The following TMEM38A variants were observed in gnomAD, a reference collection of about 807,000 sequenced individuals.
TMEM38A encodes trimeric intracellular cation channel type A.
A neutral mutation model predicts 28.6 loss-of-function variants in TMEM38A; 17 were observed. The ratio of observed to expected loss-of-function variants is 0.60; its 90% CI spans 0.41 to 0.89. The LOEUF (loss-of-function observed/expected upper bound fraction) is 0.89, where lower values mean the gene tolerates loss of function less well. Ranked by LOEUF, TMEM38A falls within the 40% of genes least tolerant of loss-of-function variation. The probability of loss-of-function intolerance (pLI) is 0.00; values close to 1 mark genes in which losing one functional copy is unlikely to be tolerated. For synonymous variants in TMEM38A, 169 were observed against 166.1 expected (o/e 1.02, Z -0.14); for missense variants, 328 against 393.1 (o/e 0.83, Z 1.40).
chr19:16,680,231 G>T, intron 2 of TMEM38A, 91 bp downstream of exon 2: 2 of 1,537,116 alleles, frequency 1.3e-6, no homozygotes, highest in South Asian at 1.2e-5. Context: ...GAATTAGAAT[G>T]CACCAGCAAC....
chr19:16,671,201 C>CTTT (rs34550977), intron 1 of TMEM38A, among the ~76,000 whole-genome samples: 35 of 84,846 alleles, frequency 4.1e-4, no homozygotes, highest in African/African-American at 7.9e-4. Flanking sequence ...AGGACCTGGG[C>CTTT]TTTTTTTTTT....
Position 16,687,573 on chromosome 19 carries a change from G to A in TMEM38A, c.673-571G>A, listed in dbSNP as rs1410204696. On this transcript the variant is annotated intron_variant, in intron 5 of 5. Transcript: ENST00000187762. ...TTCTTACAGTTCTGGAGGCTGGGAA[G>A]TCCAAGATCAGGGTACTAGCCTGGT... Among the ~76,000 whole-genome samples, 4 of 152,170 alleles carry A rather than the reference G, an allele frequency of 2.6e-5. No homozygotes were observed. In the East Asian group the frequency reaches 7.7e-4, roughly 29 times the overall value.
chr19:16,665,442 A>G (rs2122574596), intron 1 of TMEM38A, among the ~76,000 whole-genome samples: 1 of 152,020 alleles, frequency 6.6e-6, no homozygotes, highest in South Asian at 2.1e-4. Context: ...GTGAGCCATG[A>G]TCGTGCCACT....
At chr19:16,676,102 T>A (rs956434110) in intron 1 of TMEM38A, among the ~76,000 whole-genome samples, 2 of 149,664 alleles carry the variant, frequency 1.3e-5, no homozygotes, top group African/African-American at 5.1e-5. Flanking sequence ...GGCTCACACC[T>A]GTAATCCCAG....
intron 1 of TMEM38A, among the ~76,000 whole-genome samples, chr19:16,667,406 A>G (rs141179934): frequency 6.9e-4 from 105 of 152,312 alleles, no homozygotes; most frequent in African/African-American, 2.5e-3. Flanking sequence ...CCATGTGAGG[A>G]AAGAGAAGGA....
chr19:16,687,567 T>G (rs1397630758), intron 5 of TMEM38A, among the ~76,000 whole-genome samples: 1 of 152,112 alleles, frequency 6.6e-6, no homozygotes, highest in Non-Finnish European at 1.5e-5. Context: ...TTCTGGAGGC[T>G]GGGAAGTCCA....
chr19:16,662,012 T>TG (rs2086684187), intron 1 of TMEM38A, among the ~76,000 whole-genome samples: 1 of 152,076 alleles, frequency 6.6e-6, no homozygotes, highest in Non-Finnish European at 1.5e-5. Context: ...GACTCCACGC[T>TG]GGGGAGGTCA....
At chr19:16,682,558 G>T in intron 4 of TMEM38A, 50 bp downstream of exon 4, 1 of 1,540,486 alleles carries the variant, frequency 6.5e-7, no homozygotes, top group Non-Finnish European at 9.0e-7. Context: ...ATGTCCGGGT[G>T]CCTGACCCTG....
At chr19:16,682,939 A>G (rs767536021) in intron 4 of TMEM38A, among the ~76,000 whole-genome samples, 3 of 152,120 alleles carry the variant, frequency 2.0e-5, no homozygotes, top group South Asian at 2.1e-4. Context: ...CCAAGACCCA[A>G]TGCAGGATCC....
At chr19:16,668,190 C>G (rs1289621497) in intron 1 of TMEM38A, among the ~76,000 whole-genome samples, 9 of 151,730 alleles carry the variant, frequency 5.9e-5, no homozygotes, top group Middle Eastern at 3.2e-3. Context: ...ACCTGGGCAA[C>G]AGAGCAAGAC....
chr19:16,683,189 G>A (rs2086788607), intron 4 of TMEM38A, among the ~76,000 whole-genome samples: 1 of 151,962 alleles, frequency 6.6e-6, no homozygotes, highest in South Asian at 2.1e-4. Context: ...GGTCAGGCTG[G>A]TCTGGAACTC....
At chr19:16,668,694 C>T (rs1239346408) in intron 1 of TMEM38A, among the ~76,000 whole-genome samples, 2 of 151,862 alleles carry the variant, frequency 1.3e-5, no homozygotes, top group African/African-American at 4.8e-5. Context: ...CCAGAATGTC[C>T]TTTAGTTGGA....
At chr19:16,673,581 A>C (rs996336668) in intron 1 of TMEM38A, among the ~76,000 whole-genome samples, 2 of 152,180 alleles carry the variant, frequency 1.3e-5, no homozygotes, top group Admixed American at 6.6e-5. Context: ...GCACAGCTTC[A>C]TATTTCCCTG....
chr19:16,666,868 G>T (rs988484527), intron 1 of TMEM38A, among the ~76,000 whole-genome samples: 2 of 151,124 alleles, frequency 1.3e-5, no homozygotes, highest in African/African-American at 2.4e-5. Context: ...AAGGAGAATC[G>T]CTTGAAACCA....
At chr19:16,681,718 C>T (rs77215235) in intron 3 of TMEM38A, among the ~76,000 whole-genome samples, 1 of 152,122 alleles carries the variant, frequency 6.6e-6, no homozygotes, top group Non-Finnish European at 1.5e-5. Flanking sequence ...CCTCGACTCA[C>T]TAAATACCAG....
rs201283889 is a variant in TMEM38A, at chr19:16,661,281, T to C, written c.64T>C (p.Phe22Leu). Residue 22 changes from phenylalanine to leucine, a missense_variant, in exon 1 of 6, where the codon TTC becomes CTC. Phe to Leu is a conservative substitution (Grantham distance 22). Coordinates refer to ENST00000187762, the MANE Select transcript of TMEM38A (RefSeq NM_024074.4). The surrounding 1 kb of genome is among the most constrained non-coding windows in gnomAD (Gnocchi z 6.5). Reference protein sequence around the residue: ...LALSFSRVPLFPVFDLSYFIV... With the variant: ...LALSFSRVPLLPVFDLSYFIV... Reference sequence around the variant, plus strand: ...GCTCAGCTTCTCGCGGGTGCCGCTCTTCCCCGTCTTCGACCTCAGTTACTT... The same window carrying C: ...GCTCAGCTTCTCGCGGGTGCCGCTCCTCCCCGTCTTCGACCTCAGTTACTT... 2.5e-6 allele frequency: 4 copies of C among 1,599,696 alleles called. No individual in the cohort carries two copies. The highest frequency in any genetic ancestry group is 3.4e-6 in the Non-Finnish European group (4 of 1,173,780).
chr19:16,662,436 CTTTT>C lies in TMEM38A; in HGVS notation c.124+1114_124+1117del, dbSNP rs35226829. ...ATATAGTTATAAACGTAAATGCACGCTTTTTTTTTTTTTTTTTTTTTTGCGGTTT... is the reference window on the plus strand; with the variant it reads ...ATATAGTTATAAACGTAAATGCACGCTTTTTTTTTTTTTTTTTTGCGGTTT... On this transcript the variant is annotated intron_variant, in intron 1 of 5. Transcript: ENST00000187762. Among the ~76,000 whole-genome samples the C allele has an allele frequency of 1.5e-3, 117 of 75,832 alleles. 1 individual carries two copies. The East Asian group carries it at 0.021, about 14-fold the overall frequency. The allele number at this position is 75,832 out of a possible 152,430, so 49.7% of individuals were successfully genotyped here.
At chr19:16,662,980 C>A (rs1377564937) in intron 1 of TMEM38A, among the ~76,000 whole-genome samples, 1 of 151,778 alleles carries the variant, frequency 6.6e-6, no homozygotes, top group East Asian at 1.9e-4. Context: ...AGTTGCAGAA[C>A]CTTAGAAAAT....
chr19:16,679,557 T>TCCAGGTGTGA (rs1235402514), intron 1 of TMEM38A, among the ~76,000 whole-genome samples: 2 of 152,024 alleles, frequency 1.3e-5, no homozygotes. Flanking sequence ...ACTCCCAAAG[T>TCCAGGTGTGA]GCTGGGATTA....
Sources: allele counts gnomAD v4.1 joint callset (sites outside exome capture counted in the v4.1 genomes callset), GRCh38; gene constraint gnomAD v4.1.1; non-coding constraint Gnocchi (gnomAD v3.1); transcripts MANE v1.5; gene names NCBI Gene and HGNC (gene_info 2026-07-23, HGNC 2026-07-21).